GOT2: variants seen among roughly 807,000 people sequenced by gnomAD.
GOT2 encodes the protein glutamic-oxaloacetic transaminase 2.
Under a neutral mutation model 50.0 loss-of-function variants are expected in GOT2, and 17 were observed. The observed-to-expected ratio is 0.34, with a 90% CI of 0.23 to 0.51. GOT2 has a LOEUF of 0.51. Among genes scored for constraint, GOT2 ranks in the 20% least tolerant of loss-of-function variants. The pLI is 0.97. For synonymous variants in GOT2, 172 were observed against 204.9 expected (o/e 0.84, Z 1.37); for missense variants, 430 against 559.6 (o/e 0.77, Z 2.34).
At chr16:58,716,539 G>A (rs1285847416) in intron 7 of GOT2, 124 bp downstream of exon 7, 2 of 763,494 alleles carry the variant, frequency 2.6e-6, no homozygotes, top group South Asian at 1.8e-5. Flanking sequence ...TTAGGGTAGG[G>A]AGGGACATGG....
chr16:58,729,112 T>C (rs1237159720), intron 1 of GOT2, among the ~76,000 whole-genome samples: 4 of 151,890 alleles, frequency 2.6e-5, no homozygotes, highest in African/African-American at 9.7e-5. Flanking sequence ...TCATTTTGTG[T>C]TGCTGTGGCT....
Position 58,716,730 on chromosome 16 carries a change from G to A in GOT2, c.786C>T (p.Arg262=), listed in dbSNP as rs138987040. 13 of 1,613,836 alleles carry A rather than the reference G, an allele frequency of 8.1e-6. No individual in the cohort carries two copies. In the East Asian group the frequency reaches 2.5e-4, roughly 30 times the overall value. The change falls in exon 7 of 10, where the codon CGC becomes CGT. Residue 262 remains arginine (R), a synonymous_variant. Transcript: ENST00000245206. ...GDGDKDAWAV[R]HFIEQGINVC... ...CATTAATGCCCTGTTCGATGAAGTG[G>A]CGCACAGCCCAGGCATCCTTATCAC...
Position 58,734,303 on chromosome 16 carries a change from C to A in GOT2, c.-75G>T, listed in dbSNP as rs954726870. On this transcript the variant is annotated 5_prime_UTR_variant, in exon 1 of 10. Transcript: ENST00000245206. ...AGCGGACACACACACAGGGAACCGG[C>A]TCCTGCTGAAGGTAAGGACAGGGAC... 3.7e-6 allele frequency: 3 copies of A among 808,184 alleles called. No homozygotes were observed. Among genetic ancestry groups the A allele is most frequent in the Admixed American group, 4.2e-5 (1 of 23,544 alleles). 50.1% of individuals were successfully genotyped at this position (808,184 alleles called of 1,614,324 possible). A position where few individuals can be genotyped will look rare whatever the true frequency, so the allele number is the denominator to read the frequency against.
chr16:58,726,803 A>G (rs2044789087), intron 1 of GOT2, among the ~76,000 whole-genome samples: 1 of 145,288 alleles, frequency 6.9e-6, no homozygotes, highest in Admixed American at 6.8e-5. Flanking sequence ...TTTTGTTTTG[A>G]TTTATAGTAA....
chr16:58,728,703 CAG>C (rs2044807252), intron 1 of GOT2, among the ~76,000 whole-genome samples: 1 of 152,092 alleles, frequency 6.6e-6, no homozygotes, highest in South Asian at 2.1e-4. Context: ...TTTTTTGAGA[CAG>C]AGTCTCACTG....
At chr16:58,721,352 C>T (rs971183304) in intron 3 of GOT2, among the ~76,000 whole-genome samples, 2 of 152,056 alleles carry the variant, frequency 1.3e-5, no homozygotes, top group Admixed American at 6.6e-5. Context: ...ATGTTGGGAG[C>T]GTGGTCTTCT....
At chr16:58,709,137 T>C (rs1457481835) in intron 9 of GOT2, 1 of 262,740 alleles carries the variant, frequency 3.8e-6, no homozygotes, top group Non-Finnish European at 7.3e-6. Context: ...TGGCACTCAC[T>C]TCTAGTCCCA....
Position 58,732,951 on chromosome 16 carries a change from GA to G in GOT2, c.89+1188del, listed in dbSNP as rs549572351. On this transcript the variant is annotated intron_variant, in intron 1 of 9. Coordinates refer to ENST00000245206, the MANE Select transcript of GOT2 (RefSeq NM_002080.4). ...CCAGGAAGGAGCCAAGTCAGGAAGA[GA>G]AAAAAGTGCGAAGCCTGGGCAAAAC... is the stretch of plus-strand genomic sequence containing the variant. 1.8e-4 allele frequency among the ~76,000 whole-genome samples: 27 copies of G among 152,288 alleles called. No homozygotes were observed. The South Asian group carries it at 5.6e-3, about 32-fold the overall frequency.
intron 6 of GOT2, 29 bp from the exon 7 acceptor site, chr16:58,716,842 A>G: frequency 6.2e-7 from 1 of 1,611,678 alleles, no homozygotes; most frequent in South Asian, 1.1e-5. Flanking sequence ...TCGAAGCTTT[A>G]GCAGTCTTTC....
At chr16:58,713,273 T>C (rs1365120843) in intron 8 of GOT2, among the ~76,000 whole-genome samples, 2 of 152,216 alleles carry the variant, frequency 1.3e-5, no homozygotes, top group Non-Finnish European at 2.9e-5. Flanking sequence ...GTTAATATCA[T>C]GCTGCAAAAA....
intron 1 of GOT2, among the ~76,000 whole-genome samples, chr16:58,729,913 CTCAAT>C (rs2044819599): frequency 6.6e-6 from 1 of 151,970 alleles, no homozygotes; most frequent in South Asian, 2.1e-4. Context: ...AGCAGGGATA[CTCAAT>C]TTTTTTTTTA....
chr16:58,714,546 C>T (rs1171019213), intron 8 of GOT2, among the ~76,000 whole-genome samples: 7 of 143,910 alleles, frequency 4.9e-5, no homozygotes, highest in South Asian at 2.2e-4. Flanking sequence ...AGCGAGACTC[C>T]GTCTCAAAAA....
At position 58,722,241 on chromosome 16, in the gene GOT2, T is replaced by G. The variant is rs762246940; in HGVS notation, c.284A>C (p.Glu95Ala). Residue 95 changes from glutamate (E) to alanine (A), a missense_variant, in exon 3 of 10, where the codon GAA becomes GCA. Physicochemically the swap from Glu to Ala is moderately radical, Grantham distance 107. Transcript: ENST00000245206. The stretch of plus-strand genomic sequence containing the variant: ...AGCCAGTCCCCCAATGGGCAGGTAT[T>G]CCTTGTCCAAATTTTTTGCGGCAAT... ...AQIAAKNLDK[E>A]YLPIGGLAEF... is the part of the protein sequence containing the mutation. 6.2e-7 allele frequency: 1 copy of G among 1,613,480 alleles called. No homozygotes were observed. Among genetic ancestry groups the G allele is most frequent in the Non-Finnish European group, 8.5e-7 (1 of 1,179,936 alleles).
At chr16:58,717,878 C>T (rs530699177) in intron 6 of GOT2, among the ~76,000 whole-genome samples, 108 of 152,190 alleles carry the variant, frequency 7.1e-4, no homozygotes, top group Non-Finnish European at 1.4e-3. Context: ...TTAGTAGAGA[C>T]GGGGTTTCAC....
chr16:58,723,629 A>G (rs1043928474), intron 2 of GOT2, 117 bp downstream of exon 2: 50 of 799,136 alleles, frequency 6.3e-5, no homozygotes, highest in Non-Finnish European at 9.7e-5. Context: ...TCATGCCATT[A>G]GTGCCAGAAC....
Position 58,709,575 on chromosome 16 carries a change from G to T in GOT2, c.1020-8C>A, listed in dbSNP as rs374733936. 1.9e-6 allele frequency: 3 copies of T among 1,605,288 alleles called. No individual in the cohort carries two copies. In the African/African-American group the frequency reaches 4.0e-5, roughly 21 times the overall value. ...ACTTTCACTTCTTGCAGCCTGTAAA[G>T]AAACCCTGAGATGCAGCTCATTCTG... On this transcript the variant is annotated splice_region_variant and splice_polypyrimidine_tract_variant and intron_variant, in intron 8 of 9. Coordinates refer to ENST00000245206, the MANE Select transcript of GOT2 (RefSeq NM_002080.4).
intron 8 of GOT2, among the ~76,000 whole-genome samples, chr16:58,712,890 G>A (rs760771814): frequency 3.3e-5 from 5 of 151,932 alleles, no homozygotes; most frequent in South Asian, 4.1e-4. Context: ...TGCTAAGGTC[G>A]GGAGTTCGAG....
intron 1 of GOT2, among the ~76,000 whole-genome samples, chr16:58,729,729 TTTTG>T (rs968150160): frequency 5.9e-5 from 9 of 151,822 alleles, no homozygotes; most frequent in African/African-American, 2.2e-4. Flanking sequence ...AATTCTTTTT[TTTTG>T]TTTTTGTTTT....
chr16:58,715,532 T>C (rs549710376), intron 8 of GOT2, among the ~76,000 whole-genome samples: 1 of 152,290 alleles, frequency 6.6e-6, no homozygotes, highest in East Asian at 1.9e-4. Context: ...CAAGACCCTG[T>C]CTCAACCAAT....
Sources: allele counts gnomAD v4.1 joint callset (sites outside exome capture counted in the v4.1 genomes callset), GRCh38; gene constraint gnomAD v4.1.1; transcripts MANE v1.5; gene names NCBI Gene and HGNC (gene_info 2026-07-23, HGNC 2026-07-21).